The following ICA1 variants were observed in gnomAD, a reference collection of about 807,000 sequenced individuals.
ICA1 encodes the protein 69 kDa islet cell autoantigen.
ICA1 carries 40 observed loss-of-function variants against 71.0 expected under a neutral mutation model. The ratio of observed to expected loss-of-function variants is 0.56; its 90% confidence interval spans 0.44 to 0.73. ICA1 has a LOEUF of 0.73. Ranked by LOEUF, ICA1 falls within the 30% of genes least tolerant of loss-of-function variation. ICA1 has a pLI of 0.00. For missense variants in ICA1, 578 were observed against 576.5 expected (o/e 1.00, Z -0.03); for synonymous variants, 207 against 209.5 (o/e 0.99, Z 0.10).
intron 1 of ICA1, among the ~76,000 whole-genome samples, chr7:8,246,868 T>A (rs1168143024): frequency 6.6e-6 from 1 of 152,188 alleles, no homozygotes; most frequent in East Asian, 1.9e-4. Flanking sequence ...TGCCTCAGCC[T>A]CCCGAGTAGC....
intron 6 of ICA1, among the ~76,000 whole-genome samples, chr7:8,186,503 T>A (rs1179990994): frequency 3.3e-5 from 5 of 151,814 alleles, no homozygotes; most frequent in African/African-American, 1.2e-4. Context: ...CACAGTAGAG[T>A]GGTTTTTCAG....
chr7:8,252,965 C>A (rs770552331), intron 1 of ICA1, among the ~76,000 whole-genome samples: 15 of 152,104 alleles, frequency 9.9e-5, no homozygotes, highest in African/African-American at 3.4e-4. Context: ...CCCACCTCAG[C>A]CTCCTGAGTA....
chr7:8,157,287 A>T (rs572417677), intron 7 of ICA1, 73 bp from the exon 8 acceptor site: 24 of 1,351,810 alleles, frequency 1.8e-5, no homozygotes, highest in South Asian at 8.5e-5. Context: ...GGGAAGTATG[A>T]CTCTCTGTAG....
intron 1 of ICA1, among the ~76,000 whole-genome samples, chr7:8,247,177 T>A (rs1806357593): frequency 6.6e-6 from 1 of 152,132 alleles, no homozygotes; most frequent in African/African-American, 2.4e-5. Context: ...TTAGGCTGGA[T>A]GTGATGCCTC....
intron 6 of ICA1, among the ~76,000 whole-genome samples, chr7:8,169,688 G>T (rs1468151898): frequency 6.6e-6 from 1 of 151,878 alleles, no homozygotes; most frequent in African/African-American, 2.4e-5. Flanking sequence ...TTTTAAAAAT[G>T]GGTTTATCTT....
At chr7:8,189,622 C>G (rs977087797) in intron 6 of ICA1, among the ~76,000 whole-genome samples, 8 of 152,062 alleles carry the variant, frequency 5.3e-5, no homozygotes, top group Non-Finnish European at 1.2e-4. Flanking sequence ...GCCTATTTAC[C>G]CCATAGCTGA....
chr7:8,178,547 G>A (rs1781274199), intron 6 of ICA1, among the ~76,000 whole-genome samples: 1 of 149,990 alleles, frequency 6.7e-6, no homozygotes, highest in Non-Finnish European at 1.5e-5. Context: ...ATAGTCTGAT[G>A]ACTAACATTC....
chr7:8,127,788 CAAAG>C (rs2128063953), intron 13 of ICA1, 81 bp downstream of exon 13: 1 of 1,397,830 alleles, frequency 7.2e-7, no homozygotes, highest in South Asian at 1.4e-5. Flanking sequence ...TTAAAAAAGA[CAAAG>C]AAGGAAGAAA....
intron 8 of ICA1, among the ~76,000 whole-genome samples, chr7:8,155,752 AAT>A (rs1230736976): frequency 1.8e-4 from 28 of 152,316 alleles, no homozygotes; most frequent in African/African-American, 5.8e-4. Context: ...AAGAATTGTG[AAT>A]AGTGTGCATT....
At chr7:8,174,912 A>G (rs943467513) in intron 6 of ICA1, among the ~76,000 whole-genome samples, 3 of 152,168 alleles carry the variant, frequency 2.0e-5, no homozygotes, top group African/African-American at 7.2e-5. Flanking sequence ...GAAACCGAAG[A>G]ATGAGTGAGA....
At chr7:8,188,101 T>A (rs945019848) in intron 6 of ICA1, among the ~76,000 whole-genome samples, 6 of 152,210 alleles carry the variant, frequency 3.9e-5, no homozygotes, top group Non-Finnish European at 8.8e-5. Flanking sequence ...GGGAACATAA[T>A]GGAATGGGGA....
chr7:8,153,503 T>A (rs66954776), intron 8 of ICA1, among the ~76,000 whole-genome samples: 21,375 of 152,088 alleles, frequency 0.14, 1,577 homozygotes, highest in African/African-American at 0.19. Flanking sequence ...GGTCTTTTTT[T>A]TTCCCCCTTG....
rs534798833 is a variant in ICA1 at position 8,123,761 on chromosome 7, G to A, written c.1330+4112C>T. Among the ~76,000 whole-genome samples the A allele has an allele frequency of 2.0e-5, 3 of 152,300 alleles. No individual in the cohort carries two copies. Among genetic ancestry groups the A allele is most frequent in the South Asian group, 2.1e-4 (1 of 4,818 alleles). ...TCCTGCCCCTCTGACGGCTTCCTAA[G>A]AGAGGTCTGAAGAGCCCCACTGGGA... On this transcript the variant is annotated intron_variant, in intron 13 of 13. Transcript: ENST00000402384. This position sits in a 1 kb window ranked among gnomAD's most constrained non-coding sequence, Gnocchi z 4.1.
chr7:8,124,600 G>C (rs1440545854), intron 13 of ICA1, among the ~76,000 whole-genome samples: 3 of 152,136 alleles, frequency 2.0e-5, no homozygotes, highest in African/African-American at 7.2e-5. Context: ...ACAAACACGT[G>C]TTGAAGGATC....
At position 8,173,686 on chromosome 7, in the gene ICA1, T is replaced by C. The variant is rs1035062656; in HGVS notation, c.580-15034A>G. On this transcript the variant is annotated intron_variant, in intron 6 of 13. Transcript: ENST00000402384. This position sits in a 1 kb window ranked among gnomAD's most constrained non-coding sequence, Gnocchi z 4.0. ...GCAGGCCTGTCTTTCCAAGGTACTA[T>C]TTCATGCTCACAACAGCCTTGTTGT... is the stretch of plus-strand genomic sequence containing the variant. 2.0e-5 allele frequency among the ~76,000 whole-genome samples: 3 copies of C among 152,230 alleles called. No homozygotes were observed. The highest frequency in any genetic ancestry group is 7.2e-5 in the African/African-American group (3 of 41,472).
At position 8,114,079 on chromosome 7, in the gene ICA1, C is replaced by T. The variant is rs1358970926; in HGVS notation, c.1331-35G>A. On this transcript the variant is annotated intron_variant, in intron 13 of 13. Coordinates refer to ENST00000402384, the MANE Select transcript of ICA1 (RefSeq NM_001136020.3). ...GAAGAGGAAACATGAGCAAACGCAC[C>T]TTCCAAATGTCCACCTCTGCCATGC... The T allele has an allele frequency of 2.5e-6, 4 of 1,613,424 alleles. No homozygotes were observed. In the South Asian group the frequency reaches 3.3e-5, roughly 13 times the overall value.
intron 6 of ICA1, among the ~76,000 whole-genome samples, chr7:8,172,821 A>G (rs530431014): frequency 2.6e-5 from 4 of 152,266 alleles, no homozygotes; most frequent in Admixed American, 2.0e-4. Flanking sequence ...GATTTCTCAA[A>G]TGTCACTGGC....
intron 1 of ICA1, among the ~76,000 whole-genome samples, chr7:8,244,474 A>G (rs965831258): frequency 6.6e-6 from 1 of 152,196 alleles, no homozygotes; most frequent in African/African-American, 2.4e-5. Flanking sequence ...AACCTAGGCA[A>G]TACCATTCAG....
At chr7:8,218,910 C>T (rs1414782924) in intron 5 of ICA1, 1 of 280,612 alleles carries the variant, frequency 3.6e-6, no homozygotes, top group African/African-American at 2.2e-5. Flanking sequence ...ATCTCTCCGA[C>T]TAGGCCATTT....
Sources: allele counts gnomAD v4.1 joint callset (sites outside exome capture counted in the v4.1 genomes callset), GRCh38; gene constraint gnomAD v4.1.1; non-coding constraint Gnocchi (gnomAD v3.1); transcripts MANE v1.5; gene names NCBI Gene and HGNC (gene_info 2026-07-23, HGNC 2026-07-21).